Variants in HMCN1 observed in about 807,000 individuals in gnomAD.
The protein encoded by HMCN1 is hemicentin-1.
A neutral mutation model predicts 625.9 loss-of-function variants in HMCN1; 321 were observed. The ratio of observed to expected loss-of-function variants is 0.51; its 90% CI spans 0.47 to 0.56. The LOEUF is 0.56. HMCN1 is among the 20% of genes least tolerant of loss of function. The pLI, the probability that HMCN1 is intolerant of heterozygous loss-of-function variation, is 0.00. For missense variants in HMCN1, 6,588 were observed against 6,887.3 expected (o/e 0.96, Z 1.54); for synonymous variants, 2,425 against 2,417.6 (o/e 1.00, Z -0.09).
At chr1:185,751,757 T>C (rs370414059) in intron 1 of HMCN1, among the ~76,000 whole-genome samples, 3 of 152,272 alleles carry the variant, frequency 2.0e-5, no homozygotes, top group African/African-American at 7.2e-5. Context: ...CTGTCCAATC[T>C]ACTCTTTAAG....
chr1:185,987,871 A>C (rs1009867558), intron 20 of HMCN1, among the ~76,000 whole-genome samples: 1 of 151,942 alleles, frequency 6.6e-6, no homozygotes, highest in African/African-American at 2.4e-5. Context: ...AAAAAAAAAA[A>C]CAAAAAACTT....
At chr1:186,003,897 T>C in intron 29 of HMCN1, 53 bp downstream of exon 29, 1 of 1,559,374 alleles carries the variant, frequency 6.4e-7, no homozygotes, top group Non-Finnish European at 8.8e-7. Context: ...GAAAAAGATG[T>C]GAAAAATGCA....
intron 11 of HMCN1, among the ~76,000 whole-genome samples, chr1:185,958,267 C>A (rs1417917596): frequency 6.6e-6 from 1 of 152,020 alleles, no homozygotes; most frequent in African/African-American, 2.4e-5. Context: ...TACAGGCATG[C>A]ACCACCACAC....
chr1:186,055,609 G>A lies in HMCN1; in HGVS notation c.7079G>A (p.Arg2360His), dbSNP rs559595305. ...LKNIHVSDTG[R>H]YVCVAVNVAG... Reference sequence around the variant, plus strand: ...AACATTCATGTATCTGACACAGGCCGTTATGTGTGTGTTGCTGTGAATGTA... The same window carrying A: ...AACATTCATGTATCTGACACAGGCCATTATGTGTGTGTTGCTGTGAATGTA... The change falls in exon 45 of 107, where the codon CGT (arginine) becomes CAT (histidine). Residue 2360 changes from arginine (R) to histidine (H), a missense_variant. By Grantham distance (29) the Arg-to-His change is conservative. Coordinates refer to ENST00000271588, the MANE Select transcript of HMCN1 (RefSeq NM_031935.3). The A allele has an allele frequency of 8.5e-5, 137 of 1,612,618 alleles. 1 individual carries two copies. The East Asian group carries it at 2.2e-3, about 26-fold the overall frequency.
At chr1:186,082,746 AT>A (rs1659240423) in intron 56 of HMCN1, 118 bp from the exon 57 acceptor site, 2 of 454,124 alleles carry the variant, frequency 4.4e-6, no homozygotes, top group Non-Finnish European at 3.8e-6. Flanking sequence ...TATGTACAAC[AT>A]TTTTTTCTAT....
intron 105 of HMCN1, among the ~76,000 whole-genome samples, chr1:186,184,868 G>T (rs945546688): frequency 6.6e-6 from 1 of 152,006 alleles, no homozygotes; most frequent in Admixed American, 6.6e-5. Context: ...ATATTTAATA[G>T]AAACCAGACA....
intron 4 of HMCN1, among the ~76,000 whole-genome samples, chr1:185,867,266 C>G (rs1663315847): frequency 6.6e-6 from 1 of 152,120 alleles, no homozygotes; most frequent in Non-Finnish European, 1.5e-5. Flanking sequence ...TGGGAAGGGT[C>G]TGATGACTAC....
At chr1:186,041,376 G>T (rs1353953217) in intron 40 of HMCN1, among the ~76,000 whole-genome samples, 1 of 152,066 alleles carries the variant, frequency 6.6e-6, no homozygotes, top group Admixed American at 6.6e-5. Context: ...TGGTTTTATA[G>T]AGTACTCTGA....
At position 186,062,480 on chromosome 1, in the gene HMCN1, GA is replaced by G. The variant is rs763635937; in HGVS notation, c.7427-33del. ...TATAAAATAGCAGCTTTGCTGTTAA[GA>G]GCTGTTATTTTGTTGTTGTTGTTGT... On this transcript the variant is annotated intron_variant, in intron 47 of 106. Transcript: ENST00000271588. 4 of 1,265,268 alleles carry G rather than the reference GA, an allele frequency of 3.2e-6. No individual in the cohort carries two copies. In the South Asian group the frequency reaches 4.8e-5, roughly 15 times the overall value. 78.4% of individuals were successfully genotyped at this position (1,265,268 alleles called of 1,614,324 possible).
chr1:185,984,315 T>C lies in HMCN1; in HGVS notation c.2935+2T>C. The C allele has an allele frequency of 6.2e-7, 1 of 1,613,884 alleles. No individual in the cohort carries two copies. The highest frequency in any genetic ancestry group is 8.5e-7 in the Non-Finnish European group (1 of 1,179,854). On this transcript the variant is annotated splice_donor_variant, in intron 19 of 106. Coordinates refer to ENST00000271588, the MANE Select transcript of HMCN1 (RefSeq NM_031935.3). LOFTEE classifies it high-confidence loss of function. Reference sequence around the variant, plus strand: ...AAACTACCTCTGTGGTTGTGCATGGTAAGAGACACACCCAATGTTATTGTT... The same window carrying C: ...AAACTACCTCTGTGGTTGTGCATGGCAAGAGACACACCCAATGTTATTGTT...
In HMCN1 at chr1:185,930,240, G is replaced by A. The variant is rs185222293; in HGVS notation, c.1552+1573G>A. ...CACTCAGTCAATTTAAAAAGAATAC[G>A]GTGGAAATGGTGATGGCAAGGGCAA... is the stretch of plus-strand genomic sequence containing the variant. On this transcript the variant is annotated intron_variant, in intron 10 of 106. Coordinates refer to ENST00000271588, the MANE Select transcript of HMCN1 (RefSeq NM_031935.3). 7.7e-4 allele frequency among the ~76,000 whole-genome samples: 118 copies of A among 152,270 alleles called. 1 individual carries two copies. Among genetic ancestry groups the A allele is most frequent in the East Asian group, 5.8e-4 (3 of 5,176 alleles).
At chr1:185,874,136 G>A (rs1375435802) in intron 4 of HMCN1, among the ~76,000 whole-genome samples, 1 of 151,798 alleles carries the variant, frequency 6.6e-6, no homozygotes, top group Non-Finnish European at 1.5e-5. Context: ...GAAGAAAATT[G>A]AAGGTCTTAT....
At chr1:185,934,374 G>C (rs1485608711) in intron 11 of HMCN1, among the ~76,000 whole-genome samples, 1 of 152,008 alleles carries the variant, frequency 6.6e-6, no homozygotes, top group Non-Finnish European at 1.5e-5. Context: ...ACACGCGAGT[G>C]CCTGTTGAAA....
rs768040093 is a variant in HMCN1 at position 185,734,760 on chromosome 1, A to G, written c.-20A>G. 3 of 1,613,490 alleles carry G rather than the reference A, an allele frequency of 1.9e-6. No homozygotes were observed. The highest frequency in any genetic ancestry group is 1.7e-4 in the Middle Eastern group (1 of 6,056). ...AGTGCTTAGGCGCTGAGGGGGAAAAAGAGGGGGAAAAAAAAGAAAATGATT... is the reference window on the plus strand; with the variant it reads ...AGTGCTTAGGCGCTGAGGGGGAAAAGGAGGGGGAAAAAAAAGAAAATGATT... On this transcript the variant is annotated 5_prime_UTR_variant, in exon 1 of 107. Transcript: ENST00000271588.
chr1:185,923,494 C>T lies in HMCN1; in HGVS notation c.1126C>T (p.Pro376Ser), dbSNP rs1005677373. ...SISGSSLKTI[P>S]VKYYPHRKPY... ...CTCAGGAAGTTCTCTTAAGACTATT[C>T]CTGTTAAATATTACCCACATCGAAA... Residue 376 changes from proline (P) to serine (S), a missense_variant, in exon 8 of 107, where the codon CCT becomes TCT. Coordinates refer to ENST00000271588, the MANE Select transcript of HMCN1 (RefSeq NM_031935.3). The T allele has an allele frequency of 6.2e-7, 1 of 1,611,526 alleles. No homozygotes were observed.
intron 48 of HMCN1, among the ~76,000 whole-genome samples, chr1:186,063,121 A>G (rs1010573020): frequency 9.5e-6 from 1 of 105,382 alleles, no homozygotes; most frequent in East Asian, 3.0e-4. Context: ...TCATTACCCA[A>G]CCTCTGTTAA....
chr1:185,804,697 C>T (rs73070588), intron 1 of HMCN1, among the ~76,000 whole-genome samples: 4,820 of 152,170 alleles, frequency 0.032, 264 homozygotes, highest in African/African-American at 0.11. Context: ...GTCTGTTTTT[C>T]ACACCTTTAG....
At chr1:185,953,091 C>A (rs1327937290) in intron 11 of HMCN1, among the ~76,000 whole-genome samples, 1 of 149,938 alleles carries the variant, frequency 6.7e-6, no homozygotes, top group Non-Finnish European at 1.5e-5. Flanking sequence ...GTACTTGCCC[C>A]TCCCCCAGAA....
At position 186,007,310 on chromosome 1, in the gene HMCN1, T is replaced by A. The variant is rs375438741; in HGVS notation, c.4630+28T>A. On this transcript the variant is annotated intron_variant, in intron 30 of 106. Coordinates refer to ENST00000271588, the MANE Select transcript of HMCN1 (RefSeq NM_031935.3). The stretch of plus-strand genomic sequence containing the variant: ...AAGTGCGATTGTCTTATGCTTTTTA[T>A]TGTCTGCTCTCATTATAAGTTGACA... 5 of 1,606,710 alleles carry A rather than the reference T, an allele frequency of 3.1e-6. No individual in the cohort carries two copies. In the African/African-American group the frequency reaches 6.7e-5, roughly 21 times the overall value.
Sources: allele counts gnomAD v4.1 joint callset (sites outside exome capture counted in the v4.1 genomes callset), GRCh38; gene constraint gnomAD v4.1.1; transcripts MANE v1.5; gene names NCBI Gene and HGNC (gene_info 2026-07-23, HGNC 2026-07-21).